Variants in MACROD2 observed in about 807,000 individuals in gnomAD.
The protein encoded by MACROD2 is ADP-ribose glycohydrolase MACROD2.
MACROD2 carries 36 observed loss-of-function variants against 70.4 expected under a neutral mutation model. That is an observed-to-expected ratio of 0.51 (90% CI 0.39 to 0.68). The LOEUF (loss-of-function observed/expected upper bound fraction) is 0.68, where lower values mean the gene tolerates loss of function less well. Among genes scored for constraint, MACROD2 ranks in the 30% least tolerant of loss-of-function variants. MACROD2 has a pLI of 0.00. For synonymous variants in MACROD2, 172 were observed against 178.8 expected, an observed-to-expected ratio of 0.96 and a Z score of 0.30; for missense variants, 496 against 538.4, an observed-to-expected ratio of 0.92 and a Z score of 0.78.
intron 6 of MACROD2, among the ~76,000 whole-genome samples, chr20:15,398,250 G>A (rs1442417145): frequency 6.6e-6 from 1 of 152,092 alleles, no homozygotes; most frequent in Non-Finnish European, 1.5e-5. Flanking sequence ...GAATTTTGGG[G>A]GAGGTTGTTC....
chr20:15,129,775 G>A (rs1457565829), intron 5 of MACROD2, among the ~76,000 whole-genome samples: 1 of 152,018 alleles, frequency 6.6e-6, no homozygotes, highest in African/African-American at 2.4e-5. Flanking sequence ...GGCAGAATGG[G>A]CTTGGTGAAA....
At chr20:14,333,722 A>G (rs1487022347) in intron 3 of MACROD2, among the ~76,000 whole-genome samples, 1 of 152,184 alleles carries the variant, frequency 6.6e-6, no homozygotes, top group Non-Finnish European at 1.5e-5. Context: ...ATTTTAGTCT[A>G]CTGTGTGGCA....
chr20:14,602,140 T>C (rs1192102843), intron 4 of MACROD2, among the ~76,000 whole-genome samples: 6 of 152,092 alleles, frequency 3.9e-5, no homozygotes, highest in Non-Finnish European at 8.8e-5. Context: ...GCAGAATTTA[T>C]TGAGTGAAAG....
chr20:14,439,097 G>T (rs193181753), intron 3 of MACROD2, among the ~76,000 whole-genome samples: 7 of 152,236 alleles, frequency 4.6e-5, no homozygotes, highest in Admixed American at 2.6e-4. Context: ...TAAGATAAGA[G>T]TCAATTTTAT....
At chr20:14,403,676 C>T (rs916755756) in intron 3 of MACROD2, among the ~76,000 whole-genome samples, 1 of 152,130 alleles carries the variant, frequency 6.6e-6, no homozygotes, top group South Asian at 2.1e-4. Flanking sequence ...ACAGAGTATT[C>T]TCTGGAGCCA....
At chr20:14,338,818 A>G (rs2082980742) in intron 3 of MACROD2, among the ~76,000 whole-genome samples, 1 of 152,156 alleles carries the variant, frequency 6.6e-6, no homozygotes, top group African/African-American at 2.4e-5. Flanking sequence ...TGTATTTTTA[A>G]TTATGATTTT....
chr20:14,391,311 T>A (rs2122803263), intron 3 of MACROD2, among the ~76,000 whole-genome samples: 1 of 152,326 alleles, frequency 6.6e-6, no homozygotes, highest in Admixed American at 6.5e-5. Flanking sequence ...CAAGATCATG[T>A]CCTTTGCAGG....
intron 3 of MACROD2, among the ~76,000 whole-genome samples, chr20:14,448,403 G>A (rs946478050): frequency 2.0e-5 from 3 of 151,940 alleles, no homozygotes; most frequent in African/African-American, 4.8e-5. Flanking sequence ...GGGGCCAGGC[G>A]CGGTGACTCA....
At chr20:14,690,956 C>T (rs1184407824) in intron 5 of MACROD2, among the ~76,000 whole-genome samples, 1 of 152,152 alleles carries the variant, frequency 6.6e-6, no homozygotes, top group Non-Finnish European at 1.5e-5. Flanking sequence ...CCAGCTCTGT[C>T]GCCCAGGCTG....
At chr20:14,571,130 T>C (rs765849798) in intron 4 of MACROD2, among the ~76,000 whole-genome samples, 4 of 152,072 alleles carry the variant, frequency 2.6e-5, no homozygotes, top group African/African-American at 4.8e-5. Flanking sequence ...TCAGAAGCAG[T>C]TGGTCTCAGA....
intron 8 of MACROD2, among the ~76,000 whole-genome samples, chr20:15,521,055 C>A (rs2047646121): frequency 1.3e-5 from 2 of 152,142 alleles, no homozygotes; most frequent in South Asian, 4.1e-4. Context: ...AGACATGTTT[C>A]CTGGCTGTGT....
At chr20:14,593,475 C>T (rs1981915537) in intron 4 of MACROD2, among the ~76,000 whole-genome samples, 1 of 152,038 alleles carries the variant, frequency 6.6e-6, no homozygotes. Flanking sequence ...TTTGTGGTGG[C>T]AAAACAAACG....
chr20:14,197,321 T>G (rs1205542112), intron 3 of MACROD2, among the ~76,000 whole-genome samples: 1 of 152,224 alleles, frequency 6.6e-6, no homozygotes, highest in Non-Finnish European at 1.5e-5. Flanking sequence ...ATGCTGTGGT[T>G]AATTGATAAA....
At chr20:14,257,730 C>A (rs2082069279) in intron 3 of MACROD2, among the ~76,000 whole-genome samples, 1 of 152,048 alleles carries the variant, frequency 6.6e-6, no homozygotes, top group Admixed American at 6.6e-5. Flanking sequence ...AATCAACTTG[C>A]CTGTCCTTTA....
At chr20:14,701,038 C>T (rs892131334) in intron 5 of MACROD2, among the ~76,000 whole-genome samples, 1 of 152,038 alleles carries the variant, frequency 6.6e-6, no homozygotes, top group Non-Finnish European at 1.5e-5. Context: ...GGTCATAAGG[C>T]CTGCAGCTTA....
At chr20:15,683,076 A>C (rs2050181584) in intron 8 of MACROD2, among the ~76,000 whole-genome samples, 1 of 152,248 alleles carries the variant, frequency 6.6e-6, no homozygotes, top group South Asian at 2.1e-4. Flanking sequence ...TATTTTAAGT[A>C]ATGGCATAAA....
chr20:14,372,554 T>C (rs977451227), intron 3 of MACROD2, among the ~76,000 whole-genome samples: 2 of 152,128 alleles, frequency 1.3e-5, no homozygotes, highest in East Asian at 3.9e-4. Flanking sequence ...TTAAAAATGA[T>C]CGTATTCTAA....
chr20:14,828,297 T>C lies in MACROD2; in HGVS notation c.418+143338T>C, dbSNP rs117517864. Among the ~76,000 whole-genome samples the C allele has an allele frequency of 6.3e-3, 955 of 152,260 alleles. 11 individuals are homozygous for C. Among genetic ancestry groups the C allele is most frequent in the Non-Finnish European group, 1.0e-2 (679 of 67,992 alleles). ...AGGATGAAAAACGTTTCTTTGACCA[T>C]TCCTGTATATACAACTTCTATGAAA... On this transcript the variant is annotated intron_variant, in intron 5 of 17. Transcript: ENST00000684519.
chr20:15,465,404 TA>T (rs2046871733), intron 7 of MACROD2, among the ~76,000 whole-genome samples: 1 of 152,236 alleles, frequency 6.6e-6, no homozygotes, highest in Admixed American at 6.5e-5. Flanking sequence ...GATGATGGGG[TA>T]CAGCTCTGTC....
Sources: allele counts gnomAD v4.1 joint callset (sites outside exome capture counted in the v4.1 genomes callset), GRCh38; gene constraint gnomAD v4.1.1; transcripts MANE v1.5; gene names NCBI Gene and HGNC (gene_info 2026-07-23, HGNC 2026-07-21).